MDFIC2: variants seen among roughly 807,000 people sequenced by gnomAD.
MDFIC2 encodes MyoD family inhibitor domain containing 2, also known as myoD family inhibitor domain-containing protein 2.
At chr3:70,309,549 A>G (rs946635030) in intron 2 of MDFIC2, among the ~76,000 whole-genome samples, 2 of 152,200 alleles carry the variant, frequency 1.3e-5, no homozygotes, top group African/African-American at 2.4e-5. Flanking sequence ...ACATGGCACA[A>G]TCACCCAGCT....
Position 70,234,301 on chromosome 3 carries a change from A to G in MDFIC2, c.89-27511T>C, listed in dbSNP as rs1277694986. On this transcript the variant is annotated intron_variant, in intron 2 of 3. Transcript: ENST00000567252. Reference sequence around the variant, plus strand: ...AACTCATGTTTATTGAACATCTACTATATGCTAGGCACTCTGATGAGGTTT... The same window carrying G: ...AACTCATGTTTATTGAACATCTACTGTATGCTAGGCACTCTGATGAGGTTT... 2.0e-5 allele frequency among the ~76,000 whole-genome samples: 3 copies of G among 152,280 alleles called. No individual in the cohort carries two copies. The East Asian group carries it at 5.8e-4, about 29-fold the overall frequency.
At chr3:70,225,109 C>T (rs1488376010) in intron 2 of MDFIC2, among the ~76,000 whole-genome samples, 1 of 152,096 alleles carries the variant, frequency 6.6e-6, no homozygotes, top group Non-Finnish European at 1.5e-5. Context: ...AGATCTTTCT[C>T]CATATAAGAA....
chr3:70,290,495 G>T (rs533694194), intron 2 of MDFIC2, among the ~76,000 whole-genome samples: 11 of 152,214 alleles, frequency 7.2e-5, no homozygotes, highest in Admixed American at 7.2e-4. Flanking sequence ...AGTCTGCAGA[G>T]GTTATGGCTG....
intron 2 of MDFIC2, 94 bp downstream of exon 2, chr3:70,311,792 C>A: frequency 2.5e-6 from 1 of 392,916 alleles, no homozygotes; most frequent in South Asian, 1.4e-4. Flanking sequence ...TTTGAACGGT[C>A]AGGACAATTT....
At chr3:70,212,416 T>C (rs1011636646) in intron 2 of MDFIC2, among the ~76,000 whole-genome samples, 1 of 152,154 alleles carries the variant, frequency 6.6e-6, no homozygotes, top group Non-Finnish European at 1.5e-5. Context: ...TTTGTCTTTA[T>C]TGTATTGTCA....
At chr3:70,290,531 C>T (rs576722517) in intron 2 of MDFIC2, among the ~76,000 whole-genome samples, 18 of 152,324 alleles carry the variant, frequency 1.2e-4, no homozygotes, top group Non-Finnish European at 2.2e-4. Flanking sequence ...GTGCCCTGCC[C>T]CCAGAGGTGG....
chr3:70,198,492 T>C (rs1331911433), intron 3 of MDFIC2, among the ~76,000 whole-genome samples: 1 of 152,202 alleles, frequency 6.6e-6, no homozygotes, highest in Non-Finnish European at 1.5e-5. Flanking sequence ...GAACAAATAT[T>C]TTAAAGAAAG....
intron 2 of MDFIC2, among the ~76,000 whole-genome samples, chr3:70,258,689 A>T (rs1299222326): frequency 6.6e-6 from 1 of 152,156 alleles, no homozygotes; most frequent in Non-Finnish European, 1.5e-5. Flanking sequence ...TCAAAGCTTT[A>T]TGTATAAGAA....
At chr3:70,239,399 A>T (rs1454956978) in intron 2 of MDFIC2, among the ~76,000 whole-genome samples, 2 of 152,168 alleles carry the variant, frequency 1.3e-5, no homozygotes, top group African/African-American at 2.4e-5. Flanking sequence ...ACCATTCAGG[A>T]TGTTATGCAA....
chr3:70,265,529 A>C (rs1349099825), intron 2 of MDFIC2, among the ~76,000 whole-genome samples: 2 of 151,110 alleles, frequency 1.3e-5, no homozygotes, highest in Non-Finnish European at 3.0e-5. Context: ...TTCATGAGCG[A>C]ACCTTCCCAG....
At chr3:70,256,001 G>A (rs976200699) in intron 2 of MDFIC2, among the ~76,000 whole-genome samples, 1 of 152,088 alleles carries the variant, frequency 6.6e-6, no homozygotes, top group Non-Finnish European at 1.5e-5. Flanking sequence ...TTCTCCACTG[G>A]CATTGAACCA....
chr3:70,214,153 A>C (rs1440297597), intron 2 of MDFIC2, among the ~76,000 whole-genome samples: 1 of 152,130 alleles, frequency 6.6e-6, no homozygotes, highest in Admixed American at 6.6e-5. Context: ...GGATAAGACA[A>C]AACCTTGGGT....
At chr3:70,228,693 C>T (rs1478903020) in intron 2 of MDFIC2, among the ~76,000 whole-genome samples, 1 of 147,168 alleles carries the variant, frequency 6.8e-6, no homozygotes, top group African/African-American at 2.5e-5. Flanking sequence ...AACAGTTTTA[C>T]ATTTGATGAA....
intron 2 of MDFIC2, among the ~76,000 whole-genome samples, chr3:70,266,850 C>T (rs1391993495): frequency 3.3e-5 from 5 of 152,150 alleles, no homozygotes; most frequent in Non-Finnish European, 2.9e-5. Flanking sequence ...ATAGTGAACA[C>T]CATTAAGGGA....
chr3:70,266,303 A>G (rs922497239), intron 2 of MDFIC2, among the ~76,000 whole-genome samples: 1 of 152,172 alleles, frequency 6.6e-6, no homozygotes, highest in Admixed American at 6.5e-5. Flanking sequence ...TTTTTAATTC[A>G]TATAGCTCAA....
chr3:70,261,804 G>T (rs1320456332), intron 2 of MDFIC2, among the ~76,000 whole-genome samples: 2 of 152,130 alleles, frequency 1.3e-5, no homozygotes, highest in Non-Finnish European at 2.9e-5. Context: ...TTTCCTCCCC[G>T]TGGAACCAAG....
intron 2 of MDFIC2, chr3:70,283,501 G>C (rs1702109785): frequency 6.6e-6 from 1 of 152,064 alleles, no homozygotes; most frequent in African/African-American, 2.4e-5. Context: ...ATTACTTTGA[G>C]GTCAGTCTCA....
chr3:70,196,123 A>G lies in MDFIC2; in HGVS notation c.*803T>C, dbSNP rs977415096. 6.6e-6 allele frequency among the ~76,000 whole-genome samples: 1 copy of G among 152,318 alleles called. No individual in the cohort carries two copies. The highest frequency in any genetic ancestry group is 1.9e-4 in the East Asian group (1 of 5,182). On this transcript the variant is annotated 3_prime_UTR_variant, in exon 4 of 4. Transcript: ENST00000567252. ...TTGCTTATTGTACCTGACAAATAAA[A>G]ATGAAGAAAGTGAAGAATTGAGATT...
At chr3:70,294,106 T>C (rs974008975) in intron 2 of MDFIC2, among the ~76,000 whole-genome samples, 16 of 152,156 alleles carry the variant, frequency 1.1e-4, no homozygotes, top group African/African-American at 3.9e-4. Context: ...CATCTAAGTT[T>C]CCTATTCTCA....
Sources: gnomAD v4.1 joint callset for allele counts (sites outside exome capture counted in the v4.1 genomes callset) on GRCh38, gnomAD v4.1.1 for gene constraint, MANE v1.5 for transcripts, NCBI Gene and HGNC (gene_info 2026-07-23, HGNC 2026-07-21) for gene names.